The following CDX2 variants were observed in gnomAD, a reference collection of about 807,000 sequenced individuals.
CDX2 encodes the protein caudal type homeobox 2, also known as homeobox protein CDX-2.
In CDX2, 7 loss-of-function variants were observed where a neutral mutation model predicts 25.5. That is an observed-to-expected ratio of 0.27 (90% CI 0.16 to 0.52). The LOEUF (loss-of-function observed/expected upper bound fraction) is 0.52. Among genes scored for constraint, CDX2 ranks in the 20% least tolerant of loss-of-function variants. CDX2 has a pLI of 0.97. For synonymous variants in CDX2, 222 were observed against 198.6 expected, an observed-to-expected ratio of 1.12 and a Z score of -0.99; for missense variants, 375 against 431.4, an observed-to-expected ratio of 0.87 and a Z score of 1.16.
In CDX2 at chr13:27,968,804, G is replaced by C. The variant is rs1351392007; in HGVS notation, c.203C>G (p.Ala68Gly). Residue 68 changes from alanine (A) to glycine (G), a missense_variant, in exon 1 of 3, where the codon GCG becomes GGG. This residue lies in a region of CDX2 where 253 missense variants were observed against 247.5 expected (regional missense o/e 1.02). Coordinates refer to ENST00000381020, the MANE Select transcript of CDX2 (RefSeq NM_001265.6). ...GTCCTCCCGGAGTGGGGCGCCATAC[G>C]CTGCCGGCCAGGATGGCCCCGGGGA... ...AQSPGPSWPA[A>G]YGAPLREDWN... The C allele has an allele frequency of 2.5e-5, 39 of 1,533,798 alleles. No homozygotes were observed. Among genetic ancestry groups the C allele is most frequent in the South Asian group, 1.4e-4 (12 of 83,358 alleles).
Position 27,961,419 on chromosome 13 carries a change from C to T in CDX2, c.*1696G>A, listed in dbSNP as rs370208882. On this transcript the variant is annotated 3_prime_UTR_variant, in exon 3 of 3. Coordinates refer to ENST00000381020, the MANE Select transcript of CDX2 (RefSeq NM_001265.6). ...CCGGGTCCTGCCGGAAAGTTCAGCT[C>T]GGCGGCCTCCAGGATCAAAAATTTT... 1.3e-5 allele frequency among the ~76,000 whole-genome samples: 2 copies of T among 152,202 alleles called. No homozygotes were observed. Among genetic ancestry groups the T allele is most frequent in the Non-Finnish European group, 2.9e-5 (2 of 68,050 alleles).
chr13:27,964,403 G>A lies in CDX2; in HGVS notation c.687+467C>T, dbSNP rs966511751. Among the ~76,000 whole-genome samples, 33 of 151,970 alleles carry A rather than the reference G, an allele frequency of 2.2e-4. No individual in the cohort carries two copies. Among genetic ancestry groups the A allele is most frequent in the South Asian group, 2.1e-4 (1 of 4,802 alleles). On this transcript the variant is annotated intron_variant, in intron 2 of 2. Transcript: ENST00000381020. The surrounding 1 kb of genome is among the most constrained non-coding windows in gnomAD (Gnocchi z 4.7). ...AACAAGAGTGAAACTGCGTTTCGAC[G>A]GTGGCGGGTGGGGGGGCATGTACTC...
In CDX2 at chr13:27,968,903, G is replaced by A. The variant is rs760227069; in HGVS notation, c.104C>T (p.Pro35Leu). The change falls in exon 1 of 3, where the codon CCG (proline) becomes CTG (leucine). Residue 35 changes from proline to leucine, a missense_variant. By Grantham distance (98) the Pro-to-Leu change is moderately conservative. This residue lies in a region of CDX2 where 253 missense variants were observed against 247.5 expected (regional missense o/e 1.02). Coordinates refer to ENST00000381020, the MANE Select transcript of CDX2 (RefSeq NM_001265.6). ...NLAPQNFVSP[P>L]QYPDYGGYHV... ...GTAACCGCCGTAGTCCGGGTACTGC[G>A]GGGGGCTGACGAAGTTCTGCGGCGC... 4 of 1,607,688 alleles carry A rather than the reference G, an allele frequency of 2.5e-6. No individual in the cohort carries two copies. The highest frequency in any genetic ancestry group is 2.5e-6 in the Non-Finnish European group (3 of 1,178,372).
intron 1 of CDX2, chr13:27,967,234 C>T (rs541096002): frequency 2.0e-6 from 1 of 496,316 alleles, no homozygotes; most frequent in Admixed American, 2.3e-5. Flanking sequence ...GAGAAGGGAC[C>T]AAGCCAAAGC....
rs972280317 is a variant in CDX2, at chr13:27,968,557, G to A, written c.450C>T (p.Thr150=). 7 of 1,567,192 alleles carry A rather than the reference G, an allele frequency of 4.5e-6. No homozygotes were observed. The African/African-American group carries it at 5.6e-5, about 13-fold the overall frequency. Reference sequence around the variant, plus strand: ...CGGGAGACAGCTGCTCGGCGGCAGCGGTGGCGGCGGGCCCAGGAGGGCCGG... The same window carrying A: ...CGGGAGACAGCTGCTCGGCGGCAGCAGTGGCGGCGGGCCCAGGAGGGCCGG... ...LNPGPPGPAA[T]AAAEQLSPGG... The change falls in exon 1 of 3, where the codon ACC becomes ACT. Residue 150 remains threonine (T), a synonymous_variant. Transcript: ENST00000381020.
rs1435069983 is a variant in CDX2 at position 27,963,100 on chromosome 13, G to A, written c.*15C>T. On this transcript the variant is annotated 3_prime_UTR_variant, in exon 3 of 3. Transcript: ENST00000381020. ...CTCAGCCTGGAATTGCTCTGCCGCT[G>A]CAGAACCCGGTGGGTCACTGGGTGA... The A allele has an allele frequency of 6.2e-7, 1 of 1,603,102 alleles. No individual in the cohort carries two copies. Among genetic ancestry groups the A allele is most frequent in the Non-Finnish European group, 8.5e-7 (1 of 1,173,102 alleles).
In CDX2 at chr13:27,968,504, C is replaced by A. The variant is rs1011376632; in HGVS notation, c.503G>T (p.Trp168Leu). The A allele has an allele frequency of 2.6e-6, 4 of 1,564,366 alleles. No individual in the cohort carries two copies. The highest frequency in any genetic ancestry group is 3.4e-6 in the Non-Finnish European group (4 of 1,166,766). The change falls in exon 1 of 3, where the codon TGG (tryptophan) becomes TTG (leucine). Residue 168 changes from tryptophan (W) to leucine (L), a missense_variant. Physicochemically the swap from Trp to Leu is moderately conservative, Grantham distance 61. Around this residue, in one of 3 missense-constraint regions of CDX2, gnomAD observed 253 missense variants for 247.5 expected, o/e 1.02. Coordinates refer to ENST00000381020, the MANE Select transcript of CDX2 (RefSeq NM_001265.6). ...GGACTGCTGCGCCGGCTTCCGCATCCACTCGCACAGGTTCCGCCGCTGGCC... is the reference window on the plus strand; with the variant it reads ...GGACTGCTGCGCCGGCTTCCGCATCAACTCGCACAGGTTCCGCCGCTGGCC... ...PGGQRRNLCE[W>L]MRKPAQQSLG...
chr13:27,968,611 G>T lies in CDX2; in HGVS notation c.396C>A (p.Cys132Ter). ...TGAGCGTTTGCAGCAGCCCAGAAGC[G>T]CAGGAAGGCGCGGCGGCCGGGTGGT... Reference protein sequence around the residue: ...HPHHPAAAPSCASGLLQTLNP... With the variant: ...HPHHPAAAPS The change falls in exon 1 of 3, where the codon TGC becomes TGA. Residue 132 changes from cysteine (C) to a stop codon, truncating the protein, a stop_gained. Coordinates refer to ENST00000381020, the MANE Select transcript of CDX2 (RefSeq NM_001265.6). LOFTEE classifies it high-confidence loss of function. 1 of 1,557,126 alleles carries T rather than the reference G, an allele frequency of 6.4e-7. No homozygotes were observed. The highest frequency in any genetic ancestry group is 8.6e-7 in the Non-Finnish European group (1 of 1,158,872).
rs752649679 is a variant in CDX2, at chr13:27,962,224, C to CT, written c.*890dup. ...CTCCCCACTTCCCTTCACCATATCA[C>CT]TTCTCCCCCCATGGATCCAGAAGGC... On this transcript the variant is annotated 3_prime_UTR_variant, in exon 3 of 3. Coordinates refer to ENST00000381020, the MANE Select transcript of CDX2 (RefSeq NM_001265.6). 40 of 232,726 alleles carry CT rather than the reference C, an allele frequency of 1.7e-4. No homozygotes were observed. The highest frequency in any genetic ancestry group is 3.1e-4 in the Non-Finnish European group (36 of 117,504). The allele number at this position is 232,726 out of a possible 1,614,324, so 14.4% of individuals were successfully genotyped here. A position where few individuals can be genotyped will look rare whatever the true frequency, so the allele number is the denominator to read the frequency against.
In CDX2 at chr13:27,969,257, C is replaced by T. The variant is rs1869515886; in HGVS notation, c.-251G>A. 2 of 510,680 alleles carry T rather than the reference C, an allele frequency of 3.9e-6. No individual in the cohort carries two copies. Among genetic ancestry groups the T allele is most frequent in the African/African-American group, 2.0e-5 (1 of 49,308 alleles). The allele number at this position is 510,680 out of a possible 1,614,324, so 31.6% of individuals were successfully genotyped here. Reference sequence around the variant, plus strand: ...CCTCCTTCCCACTAGGCTGCAGAGGCGGGGAAGACCCGCCACAGGCTGGCG... The same window carrying T: ...CCTCCTTCCCACTAGGCTGCAGAGGTGGGGAAGACCCGCCACAGGCTGGCG... On this transcript the variant is annotated 5_prime_UTR_variant, in exon 1 of 3. Coordinates refer to ENST00000381020, the MANE Select transcript of CDX2 (RefSeq NM_001265.6).
At chr13:27,966,386 A>G (rs1200800466) in intron 1 of CDX2, among the ~76,000 whole-genome samples, 1 of 152,240 alleles carries the variant, frequency 6.6e-6, no homozygotes, top group East Asian at 1.9e-4. Context: ...GACCGCCTCA[A>G]ACCCACTCCA....
At chr13:27,967,236 A>G in intron 1 of CDX2, 1 of 497,488 alleles carries the variant, frequency 2.0e-6, no homozygotes, top group Non-Finnish European at 4.0e-6. Context: ...GAAGGGACCA[A>G]GCCAAAGCTC....
Position 27,969,176 on chromosome 13 carries a change from G to T in CDX2, c.-170C>A. On this transcript the variant is annotated 5_prime_UTR_variant, in exon 1 of 3. Coordinates refer to ENST00000381020, the MANE Select transcript of CDX2 (RefSeq NM_001265.6). ...TCGCGGCTCTTCTGCCTCCGAGGCG[G>T]TCCCTCCCTCTGGCCTGCCTCCTCC... 1.8e-6 allele frequency: 1 copy of T among 560,354 alleles called. No homozygotes were observed. Among genetic ancestry groups the T allele is most frequent in the South Asian group, 2.2e-5 (1 of 46,252 alleles). 34.7% of individuals were successfully genotyped at this position (560,354 alleles called of 1,614,324 possible).
rs1449349651 is a variant in CDX2 at position 27,968,497 on chromosome 13, C to T, written c.510G>A (p.Arg170=). ...TGCCGAGGGACTGCTGCGCCGGCTTCCGCATCCACTCGCACAGGTTCCGCC... is the reference window on the plus strand; with the variant it reads ...TGCCGAGGGACTGCTGCGCCGGCTTTCGCATCCACTCGCACAGGTTCCGCC... ...GQRRNLCEWM[R]KPAQQSLGSQ... The change falls in exon 1 of 3, where the codon CGG becomes CGA. Residue 170 remains arginine (R), a synonymous_variant. Coordinates refer to ENST00000381020, the MANE Select transcript of CDX2 (RefSeq NM_001265.6). The T allele has an allele frequency of 1.3e-6, 2 of 1,561,784 alleles. No homozygotes were observed. The highest frequency in any genetic ancestry group is 2.5e-5 in the East Asian group (1 of 40,136).
intron 1 of CDX2, among the ~76,000 whole-genome samples, chr13:27,966,256 T>C (rs998305161): frequency 6.6e-6 from 1 of 152,196 alleles, no homozygotes; most frequent in Admixed American, 6.5e-5. Context: ...GCCAGGCGCA[T>C]TAACATAAAC....
At position 27,968,987 on chromosome 13, in the gene CDX2, A is replaced by G. The variant is rs1456435972; in HGVS notation, c.20T>C (p.Leu7Pro). 6 of 1,599,928 alleles carry G rather than the reference A, an allele frequency of 3.8e-6. No individual in the cohort carries two copies. In the East Asian group the frequency reaches 6.8e-5, roughly 18 times the overall value. The change falls in exon 1 of 3, where the codon CTG becomes CCG. Residue 7 changes from leucine to proline, a missense_variant. Transcript: ENST00000381020. MYVSYL[L>P]DKDVSMYPSS... ...AGGGTACATGCTCACGTCCTTGTCC[A>G]GGAGGTAGCTCACGTACATGGTGGC...
At position 27,964,886 on chromosome 13, in the gene CDX2, C is replaced by T. The variant is rs754672457; in HGVS notation, c.671G>A (p.Gly224Glu). The T allele has an allele frequency of 2.5e-6, 4 of 1,614,070 alleles. No homozygotes were observed. Among genetic ancestry groups the T allele is most frequent in the Non-Finnish European group, 2.5e-6 (3 of 1,180,010 alleles). The part of the protein sequence containing the change: ...RRKAELAATL[G>E]LSERQVKIWF... ...GGTCCCCACCTGCCTCTCAGAGAGC[C>T]CCAGCGTGGCGGCTAGCTCGGCTTT... Residue 224 changes from glycine to glutamate, a missense_variant, in exon 2 of 3, where the codon GGG becomes GAG. Physicochemically the swap from Gly to Glu is moderately conservative, Grantham distance 98 (BLOSUM62 -2). Transcript: ENST00000381020. This position sits in a 1 kb window ranked among gnomAD's most constrained non-coding sequence, Gnocchi z 4.7.
In CDX2 at chr13:27,969,092, G is replaced by A; in HGVS notation, c.-86C>T. 9 of 998,934 alleles carry A rather than the reference G, an allele frequency of 9.0e-6. No individual in the cohort carries two copies. Among genetic ancestry groups the A allele is most frequent in the Middle Eastern group, 2.4e-4 (1 of 4,132 alleles). The allele number at this position is 998,934 out of a possible 1,614,324, so 61.9% of individuals were successfully genotyped here. On this transcript the variant is annotated 5_prime_UTR_variant, in exon 1 of 3. Transcript: ENST00000381020. The stretch of plus-strand genomic sequence containing the variant: ...CCGGGGGGCACGAAGGGAAAGGGGC[G>A]AGGGGACTCGAGGAGCGGCGGGTGG...
chr13:27,968,906 G>C lies in CDX2; in HGVS notation c.101C>G (p.Pro34Arg). 1 of 1,608,342 alleles carries C rather than the reference G, an allele frequency of 6.2e-7. No individual in the cohort carries two copies. Among genetic ancestry groups the C allele is most frequent in the Non-Finnish European group, 8.5e-7 (1 of 1,178,604 alleles). Reference protein sequence around the residue: ...LNLAPQNFVSPPQYPDYGGYH... With the variant: ...LNLAPQNFVSRPQYPDYGGYH... ...ACCGCCGTAGTCCGGGTACTGCGGG[G>C]GGCTGACGAAGTTCTGCGGCGCCAG... Residue 34 changes from proline (P) to arginine (R), a missense_variant, in exon 1 of 3, where the codon CCC becomes CGC. Physicochemically the swap from Pro to Arg is moderately radical, Grantham distance 103. Coordinates refer to ENST00000381020, the MANE Select transcript of CDX2 (RefSeq NM_001265.6).
Sources: gnomAD v4.1 joint callset for allele counts (sites outside exome capture counted in the v4.1 genomes callset) on GRCh38, gnomAD v4.1.1 for gene constraint, gnomAD v4.1.1 regional missense constraint, Gnocchi (gnomAD v3.1) non-coding constraint, MANE v1.5 for transcripts, NCBI Gene and HGNC (gene_info 2026-07-23, HGNC 2026-07-21) for gene names.